Variants in RNF38 observed in about 807,000 individuals in gnomAD.
RNF38 encodes E3 ubiquitin-protein ligase RNF38.
RNF38 carries 15 observed loss-of-function variants against 67.2 expected under a neutral mutation model. The ratio of observed to expected loss-of-function variants is 0.22; its 90% CI spans 0.15 to 0.34. The LOEUF is 0.34. Ranked by LOEUF, RNF38 falls within the 10% of genes least tolerant of loss-of-function variation. The probability of loss-of-function intolerance (pLI) is 1.00; values close to 1 mark genes in which losing one functional copy is unlikely to be tolerated. For synonymous variants in RNF38, 220 were observed against 218.8 expected (o/e 1.01, Z -0.05); for missense variants, 524 against 639.9 (o/e 0.82, Z 1.95).
At chr9:36,390,408 G>A in intron 2 of RNF38, 59 bp downstream of exon 2, 1 of 1,447,452 alleles carries the variant, frequency 6.9e-7, no homozygotes, top group South Asian at 1.4e-5. Flanking sequence ...AGCCTTCCTA[G>A]AAACACTGTA....
chr9:36,448,725 C>A (rs369253449), intron 1 of RNF38, among the ~76,000 whole-genome samples: 1 of 152,146 alleles, frequency 6.6e-6, no homozygotes. Context: ...CCCAAATGGG[C>A]CGGGCGCGGT....
chr9:36,464,128 C>A (rs1392268983), intron 1 of RNF38, among the ~76,000 whole-genome samples: 2 of 151,830 alleles, frequency 1.3e-5, no homozygotes, highest in East Asian at 3.9e-4. Context: ...CACGACACTG[C>A]ACTCCAGCCT....
intron 1 of RNF38, among the ~76,000 whole-genome samples, chr9:36,460,261 CTGA>C (rs1048942159): frequency 1.3e-5 from 2 of 152,156 alleles, no homozygotes; most frequent in Non-Finnish European, 2.9e-5. Context: ...ATTGGCACAA[CTGA>C]TGGTTTACTT....
chr9:36,455,649 T>C (rs1839571848), intron 1 of RNF38, among the ~76,000 whole-genome samples: 1 of 151,228 alleles, frequency 6.6e-6, no homozygotes. Context: ...ACATCTATAA[T>C]CTCAGCTAGT....
chr9:36,465,869 T>A (rs1839848369), intron 1 of RNF38, among the ~76,000 whole-genome samples: 2 of 151,774 alleles, frequency 1.3e-5, no homozygotes, highest in Admixed American at 1.3e-4. Flanking sequence ...GCTAACACGG[T>A]GAAACCCCGT....
At chr9:36,398,045 G>C (rs1837671408) in intron 1 of RNF38, among the ~76,000 whole-genome samples, 1 of 152,150 alleles carries the variant, frequency 6.6e-6, no homozygotes, top group Non-Finnish European at 1.5e-5. Context: ...TTGGAAAAAA[G>C]AGGTATGATT....
rs531544666 is a variant in RNF38 at position 36,364,002 on chromosome 9, C to A, written c.570+5717G>T. 5.3e-5 allele frequency among the ~76,000 whole-genome samples: 5 copies of A among 93,588 alleles called. 2 individuals are homozygous for A. The highest frequency in any genetic ancestry group is 1.4e-4 in the Non-Finnish European group (5 of 36,650). The allele number at this position is 93,588 out of a possible 152,430, so 61.4% of individuals were successfully genotyped here. On this transcript the variant is annotated intron_variant, in intron 4 of 11. Transcript: ENST00000259605. ...CCCACCACCACGTCTGGCTAACTTT[C>A]GTGTTTTTAGTAGAGATGGGGTGTC...
At chr9:36,378,897 C>A (rs1488078893) in intron 2 of RNF38, among the ~76,000 whole-genome samples, 1 of 122,722 alleles carries the variant, frequency 8.1e-6, no homozygotes, top group East Asian at 2.3e-4. Context: ...TACTACTTTT[C>A]TTTTTCCTTT....
At chr9:36,362,468 T>C (rs912947157) in intron 4 of RNF38, among the ~76,000 whole-genome samples, 9 of 20,336 alleles carry the variant, frequency 4.4e-4, no homozygotes, top group African/African-American at 9.1e-4. Flanking sequence ...ACATCAAGAC[T>C]ACAAAAAAAA....
At chr9:36,468,163 G>A (rs989014908) in intron 1 of RNF38, among the ~76,000 whole-genome samples, 2 of 151,326 alleles carry the variant, frequency 1.3e-5, no homozygotes, top group African/African-American at 2.4e-5. Context: ...GACTGCTTGG[G>A]CCCAGAAGCT....
chr9:36,446,516 T>C (rs1839303852), intron 1 of RNF38, among the ~76,000 whole-genome samples: 2 of 152,134 alleles, frequency 1.3e-5, no homozygotes, highest in South Asian at 4.1e-4. Flanking sequence ...TAAGTTGAAA[T>C]ACACATCGGC....
chr9:36,361,220 C>T (rs1834510077), intron 4 of RNF38, among the ~76,000 whole-genome samples: 1 of 151,748 alleles, frequency 6.6e-6, no homozygotes, highest in African/African-American at 2.4e-5. Context: ...GGCGTGATCT[C>T]GGCTCACTGC....
At chr9:36,349,121 T>A (rs1049646700) in intron 9 of RNF38, among the ~76,000 whole-genome samples, 1 of 152,240 alleles carries the variant, frequency 6.6e-6, no homozygotes, top group Non-Finnish European at 1.5e-5. Context: ...TGGAACATTT[T>A]AAGACAACTT....
chr9:36,384,304 G>C (rs764727221), intron 2 of RNF38, among the ~76,000 whole-genome samples: 2 of 152,216 alleles, frequency 1.3e-5, no homozygotes, highest in African/African-American at 4.8e-5. Context: ...GAGATCCTTT[G>C]AGAGATACCC....
chr9:36,351,077 C>T (rs10972865), intron 9 of RNF38, 38 bp downstream of exon 9: 42,622 of 1,408,514 alleles, frequency 0.03, 1,360 homozygotes, highest in African/African-American at 0.14. Context: ...TTCATGCACA[C>T]AATATTCCCC....
At chr9:36,390,696 G>A (rs1837014200) in intron 1 of RNF38, 80 bp from the exon 2 acceptor site, 2 of 1,363,624 alleles carry the variant, frequency 1.5e-6, no homozygotes, top group African/African-American at 1.5e-5. Flanking sequence ...GGATAGTCTG[G>A]ATTTTCTAGG....
chr9:36,420,759 C>T (rs1587107286), intron 2 of RNF38, among the ~76,000 whole-genome samples: 1 of 152,020 alleles, frequency 6.6e-6, no homozygotes, highest in African/African-American at 2.4e-5. Flanking sequence ...CAAATATAAA[C>T]GTTTGCCACC....
At chr9:36,365,458 C>G (rs1834868617) in intron 4 of RNF38, among the ~76,000 whole-genome samples, 3 of 151,864 alleles carry the variant, frequency 2.0e-5, no homozygotes, top group Admixed American at 2.0e-4. Context: ...ATCCCAGCTA[C>G]TCAGGAGGCT....
chr9:36,416,740 ATATT>A (rs1838480821), intron 2 of RNF38, among the ~76,000 whole-genome samples: 1 of 73,032 alleles, frequency 1.4e-5, no homozygotes, highest in African/African-American at 5.5e-5. Flanking sequence ...TGCTGCCTCG[ATATT>A]TTTTTTTTTT....
Sources: allele counts gnomAD v4.1 joint callset (sites outside exome capture counted in the v4.1 genomes callset), GRCh38; gene constraint gnomAD v4.1.1; transcripts MANE v1.5; gene names NCBI Gene and HGNC (gene_info 2026-07-23, HGNC 2026-07-21).